Variants in CCSER1 observed in about 807,000 individuals in gnomAD.
CCSER1 encodes serine-rich coiled-coil domain-containing protein 1.
CCSER1 carries 41 observed loss-of-function variants against 82.0 expected under a neutral mutation model. The observed-to-expected ratio is 0.50, with a 90% CI of 0.39 to 0.65. CCSER1 has a LOEUF of 0.65. Among genes scored for constraint, CCSER1 ranks in the 30% least tolerant of loss-of-function variants. CCSER1 has a pLI of 0.00. For missense variants in CCSER1, 1,119 were observed against 1,064.2 expected (o/e 1.05, Z -0.72); for synonymous variants, 414 against 383.9 (o/e 1.08, Z -0.92).
chr4:91,099,763 G>A (rs1163053213), intron 10 of CCSER1, among the ~76,000 whole-genome samples: 1 of 152,210 alleles, frequency 6.6e-6, no homozygotes, highest in African/African-American at 2.4e-5. Context: ...TGACAGAAAG[G>A]AAGTGTTCAG....
At chr4:91,384,497 C>A (rs1751148189) in intron 10 of CCSER1, among the ~76,000 whole-genome samples, 1 of 151,494 alleles carries the variant, frequency 6.6e-6, no homozygotes. Context: ...AAAATAAATG[C>A]TGTTAGGATA....
chr4:90,647,763 A>G (rs1369257588), intron 6 of CCSER1, among the ~76,000 whole-genome samples: 2 of 152,180 alleles, frequency 1.3e-5, no homozygotes, highest in Non-Finnish European at 2.9e-5. Context: ...TTTGTTTATG[A>G]TAAGTTTAAA....
chr4:90,305,777 C>T (rs1312536707), intron 1 of CCSER1, among the ~76,000 whole-genome samples: 1 of 152,080 alleles, frequency 6.6e-6, no homozygotes, highest in Non-Finnish European at 1.5e-5. Context: ...ATGGAGGTTC[C>T]TCAAAAACTA....
rs140465123 is a variant in CCSER1 at position 90,427,894 on chromosome 4, A to G, written c.1603+27765A>G. The stretch of plus-strand genomic sequence containing the variant: ...AGCCCTATTTTGTAATCTAGCTTTT[A>G]TTATAGCCATCAGGAACAGAAACTC... On this transcript the variant is annotated intron_variant, in intron 4 of 10. Coordinates refer to ENST00000509176, the MANE Select transcript of CCSER1 (RefSeq NM_001145065.2). Among the ~76,000 whole-genome samples, 1,099 of 151,980 alleles carry G rather than the reference A, an allele frequency of 7.2e-3. 9 individuals are homozygous for G. The highest frequency in any genetic ancestry group is 0.022 in the South Asian group (105 of 4,830).
At chr4:90,700,527 T>G (rs1737858764) in intron 6 of CCSER1, among the ~76,000 whole-genome samples, 1 of 152,240 alleles carries the variant, frequency 6.6e-6, no homozygotes, top group Admixed American at 6.5e-5. Context: ...CTGGGTCAAA[T>G]GGTGTTTCTA....
intron 6 of CCSER1, among the ~76,000 whole-genome samples, chr4:90,717,932 C>CTAAGAGCAGGGAAGTTTAATGTG (rs1342340861): frequency 2.6e-5 from 4 of 151,728 alleles, no homozygotes; most frequent in Non-Finnish European, 5.9e-5. Context: ...AACTTAAAGT[C>CTAAGAGCAGGGAAGTTTAATGTG]TAAGAGCAGG....
At chr4:90,627,985 G>T in intron 5 of CCSER1, 40 bp from the exon 6 acceptor site, 1 of 1,505,840 alleles carries the variant, frequency 6.6e-7, no homozygotes, top group Non-Finnish European at 9.2e-7. Flanking sequence ...CTCTAAGCAT[G>T]CTGCACTGTA....
chr4:90,629,634 A>G (rs987958891), intron 6 of CCSER1, among the ~76,000 whole-genome samples: 1 of 152,130 alleles, frequency 6.6e-6, no homozygotes, highest in Non-Finnish European at 1.5e-5. Context: ...CAGCCAAACC[A>G]TATCATAAAC....
intron 9 of CCSER1, among the ~76,000 whole-genome samples, chr4:91,021,635 A>C (rs1034260125): frequency 2.0e-5 from 3 of 152,170 alleles, no homozygotes; most frequent in South Asian, 2.1e-4. Flanking sequence ...CTTAGGCTGA[A>C]CCATTCAGTT....
At chr4:91,437,005 G>A (rs1754697180) in intron 10 of CCSER1, among the ~76,000 whole-genome samples, 1 of 152,196 alleles carries the variant, frequency 6.6e-6, no homozygotes, top group Non-Finnish European at 1.5e-5. Flanking sequence ...GTGAAGGCCT[G>A]CTGAGATCAT....
At chr4:90,935,491 C>G (rs1461921292) in intron 9 of CCSER1, among the ~76,000 whole-genome samples, 1 of 152,148 alleles carries the variant, frequency 6.6e-6, no homozygotes, top group Non-Finnish European at 1.5e-5. Context: ...AATAAATAAA[C>G]TACCCAGTCT....
intron 6 of CCSER1, among the ~76,000 whole-genome samples, chr4:90,663,657 A>G (rs1271826273): frequency 6.6e-6 from 1 of 152,072 alleles, no homozygotes; most frequent in Non-Finnish European, 1.5e-5. Flanking sequence ...CCTATACTTT[A>G]TTATTCTTCA....
intron 4 of CCSER1, among the ~76,000 whole-genome samples, chr4:90,425,979 G>C (rs1457657324): frequency 6.6e-6 from 1 of 152,052 alleles, no homozygotes; most frequent in East Asian, 1.9e-4. Flanking sequence ...CAGTTTTGGT[G>C]GTAAGAAAAG....
chr4:91,534,313 C>T (rs1028420663), intron 10 of CCSER1, among the ~76,000 whole-genome samples: 8 of 151,972 alleles, frequency 5.3e-5, no homozygotes, highest in African/African-American at 1.2e-4. Context: ...AAATTCTTTC[C>T]GCTCTCTTCC....
chr4:90,944,522 T>C (rs1731998032), intron 9 of CCSER1, among the ~76,000 whole-genome samples: 1 of 152,144 alleles, frequency 6.6e-6, no homozygotes, highest in Non-Finnish European at 1.5e-5. Flanking sequence ...ACATCCACTT[T>C]GAGATCCACA....
At chr4:91,377,838 G>A (rs1750550187) in intron 10 of CCSER1, among the ~76,000 whole-genome samples, 1 of 152,112 alleles carries the variant, frequency 6.6e-6, no homozygotes, top group Non-Finnish European at 1.5e-5. Context: ...CCTATGTCCT[G>A]AATGGTATTG....
chr4:91,194,172 A>G (rs1175186952), intron 10 of CCSER1, among the ~76,000 whole-genome samples: 3 of 151,946 alleles, frequency 2.0e-5, no homozygotes, highest in Non-Finnish European at 2.9e-5. Flanking sequence ...GTTTCACCAC[A>G]TGGCTCAGGC....
intron 3 of CCSER1, among the ~76,000 whole-genome samples, chr4:90,358,051 T>TAA (rs1437882399): frequency 6.6e-6 from 1 of 152,048 alleles, no homozygotes; most frequent in Non-Finnish European, 1.5e-5. Flanking sequence ...AAAACCTAAT[T>TAA]AATAAAACTT....
intron 10 of CCSER1, among the ~76,000 whole-genome samples, chr4:91,315,342 T>C (rs1242474575): frequency 6.6e-6 from 1 of 151,968 alleles, no homozygotes; most frequent in East Asian, 1.9e-4. Context: ...TAGAAAGCAG[T>C]ACACCTCCTT....
Sources: gnomAD v4.1 joint callset for allele counts (sites outside exome capture counted in the v4.1 genomes callset) on GRCh38, gnomAD v4.1.1 for gene constraint, MANE v1.5 for transcripts, NCBI Gene and HGNC (gene_info 2026-07-23, HGNC 2026-07-21) for gene names.